PACRG: variants seen among roughly 807,000 people sequenced by gnomAD.
PACRG encodes parkin coregulated.
Under a neutral mutation model 29.7 loss-of-function variants are expected in PACRG, and 29 were observed. The ratio of observed to expected loss-of-function variants is 0.98; its 90% CI spans 0.73 to 1.33. The LOEUF (loss-of-function observed/expected upper bound fraction) is 1.33, where lower values mean the gene tolerates loss of function less well. PACRG is among the 40% of genes most tolerant of loss of function. PACRG has a pLI of 0.00. For missense variants in PACRG, 279 were observed against 316.2 expected, an observed-to-expected ratio of 0.88 and a Z score of 0.89; for synonymous variants, 116 against 118.7, an observed-to-expected ratio of 0.98 and a Z score of 0.15.
At chr6:162,981,305 A>ATATATATATATATATTTTTTTT (rs925663285) in intron 2 of PACRG, among the ~76,000 whole-genome samples, 27 of 149,160 alleles carry the variant, frequency 1.8e-4, no homozygotes, top group African/African-American at 3.5e-4. Flanking sequence ...ATATATATAT[A>ATATATATATATATATTTTTTTT]TTTACAATGG....
In PACRG at chr6:163,315,113, T is replaced by TCCA; in HGVS notation, c.*126_*127insCCA. 1.8e-6 allele frequency: 2 copies of TCCA among 1,119,946 alleles called. No homozygotes were observed. Among genetic ancestry groups the TCCA allele is most frequent in the Non-Finnish European group, 1.3e-6 (1 of 787,878 alleles). The allele number at this position is 1,119,946 out of a possible 1,614,324, so 69.4% of individuals were successfully genotyped here. A position where few individuals can be genotyped will look rare whatever the true frequency, so the allele number is the denominator to read the frequency against. ...TTCTACAGCTGCTAAAATAGTGGCT[T>TCCA]ATGGGCCATTGGACTGTTAGCCCTA... On this transcript the variant is annotated 3_prime_UTR_variant, in exon 5 of 5. Transcript: ENST00000366888.
At chr6:162,875,145 A>G (rs1054503729) in intron 2 of PACRG, among the ~76,000 whole-genome samples, 6 of 144,106 alleles carry the variant, frequency 4.2e-5, no homozygotes, top group African/African-American at 1.2e-4. Flanking sequence ...TCACACGCAG[A>G]CATTCACACA....
At chr6:162,930,917 G>C (rs1023474640) in intron 2 of PACRG, among the ~76,000 whole-genome samples, 2 of 151,786 alleles carry the variant, frequency 1.3e-5, no homozygotes, top group African/African-American at 4.8e-5. Flanking sequence ...GCATCCCTGG[G>C]ATGCATGCCA....
intron 4 of PACRG, among the ~76,000 whole-genome samples, chr6:163,092,936 C>T (rs551846321): frequency 6.6e-6 from 1 of 152,328 alleles, no homozygotes; most frequent in African/African-American, 2.4e-5. Context: ...TGACCTGTCG[C>T]TTGGCCCTCT....
intron 2 of PACRG, among the ~76,000 whole-genome samples, chr6:162,916,502 C>T (rs1796704931): frequency 6.6e-6 from 1 of 152,146 alleles, no homozygotes; most frequent in African/African-American, 2.4e-5. Flanking sequence ...CTTCTGGAAC[C>T]TAAAGCTCAC....
At chr6:162,971,021 C>A (rs1259966878) in intron 2 of PACRG, among the ~76,000 whole-genome samples, 3 of 152,210 alleles carry the variant, frequency 2.0e-5, no homozygotes, top group Non-Finnish European at 4.4e-5. Context: ...TAGGTTAGAT[C>A]CAGTCTCCAC....
intron 1 of PACRG, among the ~76,000 whole-genome samples, chr6:162,740,548 C>G (rs545847251): frequency 3.7e-4 from 56 of 150,320 alleles, no homozygotes; most frequent in Non-Finnish European, 6.8e-4. Context: ...GATCTCCTGA[C>G]CTCGCGATCC....
chr6:162,738,735 G>A (rs1307296206), intron 1 of PACRG, among the ~76,000 whole-genome samples: 1 of 152,088 alleles, frequency 6.6e-6, no homozygotes, highest in African/African-American at 2.4e-5. Flanking sequence ...TAAATGCTCT[G>A]GTTACAAAGT....
At chr6:163,254,610 A>G (rs1783038415) in intron 4 of PACRG, among the ~76,000 whole-genome samples, 3 of 152,182 alleles carry the variant, frequency 2.0e-5, no homozygotes. Context: ...GTCCAGGACG[A>G]GGTGAGGTAA....
chr6:162,824,144 C>G (rs1432535928), intron 2 of PACRG, among the ~76,000 whole-genome samples: 1 of 152,110 alleles, frequency 6.6e-6, no homozygotes, highest in Admixed American at 6.5e-5. Context: ...ATCTCTGTCC[C>G]TACAGAGATT....
At chr6:163,289,023 G>A (rs1429447479) in intron 4 of PACRG, among the ~76,000 whole-genome samples, 2 of 152,172 alleles carry the variant, frequency 1.3e-5, no homozygotes, top group African/African-American at 4.8e-5. Flanking sequence ...CCATCAGCGA[G>A]GACAGGCTCA....
chr6:163,249,080 G>A (rs1224267162), intron 4 of PACRG, among the ~76,000 whole-genome samples: 1 of 145,398 alleles, frequency 6.9e-6, no homozygotes, highest in Non-Finnish European at 1.5e-5. Context: ...GAAACCAATA[G>A]AAAGTCGGTC....
chr6:163,237,181 A>T (rs1370346342), intron 4 of PACRG, among the ~76,000 whole-genome samples: 2 of 152,194 alleles, frequency 1.3e-5, no homozygotes, highest in African/African-American at 2.4e-5. Context: ...GATGAATTTC[A>T]TCAAACCTAA....
chr6:162,916,740 C>T (rs955598375), intron 2 of PACRG, among the ~76,000 whole-genome samples: 3 of 152,002 alleles, frequency 2.0e-5, no homozygotes, highest in Non-Finnish European at 4.4e-5. Context: ...GTTTGTAGTT[C>T]TTTTTTATTG....
chr6:163,020,431 C>G (rs914955841), intron 2 of PACRG, among the ~76,000 whole-genome samples: 4 of 152,218 alleles, frequency 2.6e-5, no homozygotes, highest in Middle Eastern at 3.4e-3. Flanking sequence ...TAAAACCAAA[C>G]ACGCAGAGAC....
chr6:163,222,326 A>G (rs1431839008), intron 4 of PACRG, among the ~76,000 whole-genome samples: 1 of 152,176 alleles, frequency 6.6e-6, no homozygotes, highest in East Asian at 1.9e-4. Flanking sequence ...GCTTGCATCC[A>G]AAGAAGGATG....
intron 4 of PACRG, among the ~76,000 whole-genome samples, chr6:163,248,431 C>CAAAAAA (rs199676766): frequency 1.8e-5 from 2 of 109,674 alleles, no homozygotes; most frequent in African/African-American, 3.0e-5. Context: ...ATATTTTATG[C>CAAAAAA]AAAAAAAAAA....
chr6:163,126,152 C>T (rs1816505685), intron 4 of PACRG, among the ~76,000 whole-genome samples: 2 of 152,156 alleles, frequency 1.3e-5, no homozygotes, highest in South Asian at 4.1e-4. Flanking sequence ...CTTTGGGGGT[C>T]AGGGGATTGC....
intron 4 of PACRG, chr6:163,244,998 C>G (rs1013088415): frequency 2.2e-6 from 1 of 454,940 alleles, no homozygotes; most frequent in Non-Finnish European, 4.4e-6. Flanking sequence ...GAGGTCCAGA[C>G]TTGCTCCTTG....
Sources: gnomAD v4.1 joint callset for allele counts (sites outside exome capture counted in the v4.1 genomes callset) on GRCh38, gnomAD v4.1.1 for gene constraint, MANE v1.5 for transcripts, NCBI Gene and HGNC (gene_info 2026-07-23, HGNC 2026-07-21) for gene names.